Variants in GLIS3 observed in about 807,000 individuals in gnomAD.
GLIS3 encodes the protein zinc finger protein GLIS3.
Under a neutral mutation model 78.6 loss-of-function variants are expected in GLIS3, and 53 were observed. The observed-to-expected ratio is 0.67, with a 90% CI of 0.54 to 0.85. The LOEUF (loss-of-function observed/expected upper bound fraction) is 0.85, where lower values mean the gene tolerates loss of function less well. Among genes scored for constraint, GLIS3 ranks in the 40% least tolerant of loss-of-function variants. The probability of loss-of-function intolerance (pLI) is 0.00; values close to 1 mark genes in which losing one functional copy is unlikely to be tolerated. For synonymous variants in GLIS3, 684 were observed against 509.9 expected (o/e 1.34, Z -4.60); for missense variants, 1,703 against 1,231.1 (o/e 1.38, Z -5.74).
chr9:3,913,849 C>T (rs2130696038), intron 6 of GLIS3, among the ~76,000 whole-genome samples: 1 of 152,238 alleles, frequency 6.6e-6, no homozygotes, highest in South Asian at 2.1e-4. Flanking sequence ...ATCATGCAAC[C>T]TAAAACAGTC....
At chr9:4,217,077 C>T (rs1269616825) in intron 2 of GLIS3, among the ~76,000 whole-genome samples, 1 of 152,182 alleles carries the variant, frequency 6.6e-6, no homozygotes, top group African/African-American at 2.4e-5. Flanking sequence ...TTGTATTTGT[C>T]AGCCCCTTCT....
chr9:4,219,786 T>A (rs1045804585), intron 2 of GLIS3, among the ~76,000 whole-genome samples: 1 of 152,106 alleles, frequency 6.6e-6, no homozygotes, highest in African/African-American at 2.4e-5. Context: ...GTGCAGCAGG[T>A]CCACGCAGAG....
intron 9 of GLIS3, among the ~76,000 whole-genome samples, chr9:3,843,115 C>T (rs1468464081): frequency 6.6e-6 from 1 of 152,214 alleles, no homozygotes; most frequent in Non-Finnish European, 1.5e-5. Context: ...GTCTTGTTCT[C>T]ACTGTTGGTC....
chr9:4,130,103 T>C (rs1416272256), intron 2 of GLIS3, among the ~76,000 whole-genome samples: 1 of 152,184 alleles, frequency 6.6e-6, no homozygotes, highest in Admixed American at 6.5e-5. Flanking sequence ...AGGAAGAAAT[T>C]TCTAAGCAGC....
At position 4,237,832 on chromosome 9, in the gene GLIS3, G is replaced by A. The variant is rs563452572; in HGVS notation, c.388+48206C>T. Among the ~76,000 whole-genome samples the A allele has an allele frequency of 3.3e-5, 5 of 152,272 alleles. No homozygotes were observed. The South Asian group carries it at 6.2e-4, about 19-fold the overall frequency. Reference sequence around the variant, plus strand: ...TTGGGACACACTGTAAGCACATTTTGTCTTTCCCAGTTCTCTCCAGCTTCA... The same window carrying A: ...TTGGGACACACTGTAAGCACATTTTATCTTTCCCAGTTCTCTCCAGCTTCA... On this transcript the variant is annotated intron_variant, in intron 2 of 10. Coordinates refer to ENST00000381971, the MANE Select transcript of GLIS3 (RefSeq NM_001042413.2).
At chr9:3,858,783 A>G (rs1188098536) in intron 8 of GLIS3, among the ~76,000 whole-genome samples, 1 of 152,206 alleles carries the variant, frequency 6.6e-6, no homozygotes, top group African/African-American at 2.4e-5. Context: ...ACAATTATCC[A>G]GACAATTGCT....
intron 2 of GLIS3, among the ~76,000 whole-genome samples, chr9:4,333,464 C>A (rs1253347344): frequency 6.6e-6 from 1 of 152,128 alleles, no homozygotes; most frequent in Non-Finnish European, 1.5e-5. Flanking sequence ...ATAATCTAAT[C>A]TTAAAACAGA....
rs1817744256 is a variant in GLIS3 at position 3,826,683 on chromosome 9, A to G, written c.*1589T>C. 1.3e-5 allele frequency: 2 copies of G among 152,222 alleles called. No individual in the cohort carries two copies. Among genetic ancestry groups the G allele is most frequent in the Admixed American group, 6.5e-5 (1 of 15,286 alleles). 9.4% of individuals were successfully genotyped at this position (152,222 alleles called of 1,614,324 possible). The stretch of plus-strand genomic sequence containing the variant: ...TCCGCTTGTGGGACTGTGGAGGGAG[A>G]CTGGAAGGACCTGTCAGTATACAAA... On this transcript the variant is annotated 3_prime_UTR_variant, in exon 11 of 11. Coordinates refer to ENST00000381971, the MANE Select transcript of GLIS3 (RefSeq NM_001042413.2).
the GLIS3 span, among the ~76,000 whole-genome samples, chr9:4,367,059 T>A: frequency 2.6e-5 from 4 of 152,216 alleles, no homozygotes; most frequent in African/African-American, 9.6e-5. Flanking sequence ...TATCTATACC[T>A]TTCCAGAGAG....
At chr9:4,420,523 C>T in the GLIS3 span, among the ~76,000 whole-genome samples, 1 of 152,134 alleles carries the variant, frequency 6.6e-6, no homozygotes, top group Non-Finnish European at 1.5e-5. Context: ...CCAATAAACT[C>T]GGGGGTAAGG....
chr9:3,966,045 G>T lies in GLIS3; in HGVS notation c.1711-28856C>A, dbSNP rs114596980. 9.2e-3 allele frequency among the ~76,000 whole-genome samples: 1,395 copies of T among 152,260 alleles called. 26 individuals are homozygous for T. The highest frequency in any genetic ancestry group is 0.032 in the African/African-American group (1,333 of 41,548). On this transcript the variant is annotated intron_variant, in intron 4 of 10. Transcript: ENST00000381971. ...ATGAATGATAATTTTCATTTCAACA[G>T]AAAACTCAGGTTAAAAATGTGAAAT...
the GLIS3 span, among the ~76,000 whole-genome samples, chr9:4,398,620 C>A: frequency 6.6e-6 from 1 of 151,984 alleles, no homozygotes; most frequent in African/African-American, 2.4e-5. Context: ...CCTCACTCAC[C>A]CTCTTCCCCT....
chr9:4,130,036 G>A (rs1019056585), intron 2 of GLIS3, among the ~76,000 whole-genome samples: 1 of 152,208 alleles, frequency 6.6e-6, no homozygotes, highest in African/African-American at 2.4e-5. Context: ...TAGGCATTGT[G>A]CCCCTGCTCT....
intron 2 of GLIS3, among the ~76,000 whole-genome samples, chr9:4,185,428 T>C (rs745711740): frequency 6.6e-6 from 1 of 152,216 alleles, no homozygotes; most frequent in Non-Finnish European, 1.5e-5. Context: ...CACATGCATG[T>C]CTTTGTGTTG....
At chr9:4,141,063 G>A (rs1197123451) in intron 2 of GLIS3, among the ~76,000 whole-genome samples, 1 of 152,164 alleles carries the variant, frequency 6.6e-6, no homozygotes, top group East Asian at 1.9e-4. Flanking sequence ...TCCTCCCAAA[G>A]TTCAGAGATT....
intron 4 of GLIS3, among the ~76,000 whole-genome samples, chr9:4,018,751 A>C (rs996205940): frequency 6.6e-6 from 1 of 152,200 alleles, no homozygotes; most frequent in Non-Finnish European, 1.5e-5. Flanking sequence ...TTGGAAAAAG[A>C]AAGTTTCCCC....
rs144956304 is a variant in GLIS3, at chr9:3,957,223, C to T, written c.1711-20034G>A. ...AAGCAGTGGGTGTGGAGCCCTTTCC[C>T]GAGAGTGTTTTACGCTGCCTACGCA... On this transcript the variant is annotated intron_variant, in intron 4 of 10. Coordinates refer to ENST00000381971, the MANE Select transcript of GLIS3 (RefSeq NM_001042413.2). 5.5e-3 allele frequency among the ~76,000 whole-genome samples: 839 copies of T among 152,256 alleles called. 11 individuals are homozygous for T. The highest frequency in any genetic ancestry group is 0.019 in the African/African-American group (801 of 41,536).
chr9:3,963,977 A>G (rs887076674), intron 4 of GLIS3, among the ~76,000 whole-genome samples: 4 of 152,160 alleles, frequency 2.6e-5, no homozygotes, highest in Non-Finnish European at 5.9e-5. Context: ...GTGATGGTGC[A>G]CGCACTGCTT....
chr9:4,372,689 G>A, the GLIS3 span, among the ~76,000 whole-genome samples: 1 of 152,088 alleles, frequency 6.6e-6, no homozygotes, highest in Non-Finnish European at 1.5e-5. Flanking sequence ...TTGTGGCTTG[G>A]GGAGACCCAG....
Sources: allele counts gnomAD v4.1 joint callset (sites outside exome capture counted in the v4.1 genomes callset), GRCh38; gene constraint gnomAD v4.1.1; transcripts MANE v1.5; gene names NCBI Gene and HGNC (gene_info 2026-07-23, HGNC 2026-07-21).